The following PLS3 variants were observed in gnomAD, a reference collection of about 807,000 sequenced individuals.
PLS3 encodes plastin-3.
In PLS3, 11 loss-of-function variants were observed where a neutral mutation model predicts 46.5. The observed-to-expected ratio is 0.24, with a 90% CI of 0.15 to 0.39. The LOEUF is 0.39. Among genes scored for constraint, PLS3 ranks in the 10% least tolerant of loss-of-function variants. The pLI is 1.00. For missense variants in PLS3, 308 were observed against 461.8 expected (o/e 0.67, Z 3.05); for synonymous variants, 167 against 162.2 (o/e 1.03, Z -0.22).
At chrX:115,564,679 G>T (rs1262587006) in intron 1 of PLS3, among the ~76,000 whole-genome samples, 1 of 112,393 alleles carries the variant, frequency 8.9e-6, no homozygotes, top group Non-Finnish European at 1.9e-5. Flanking sequence ...AGTGTTCTTA[G>T]CACATATGAT....
chrX:115,564,457 T>C (rs2074159737), intron 1 of PLS3, among the ~76,000 whole-genome samples: 1 of 112,266 alleles, frequency 8.9e-6, no homozygotes, highest in African/African-American at 3.2e-5. Flanking sequence ...TGTCAGTATC[T>C]AGGGCACTAT....
At chrX:115,571,614 A>G (rs1603217406) in intron 1 of PLS3, among the ~76,000 whole-genome samples, 1 of 111,956 alleles carries the variant, frequency 8.9e-6, no homozygotes, top group Non-Finnish European at 1.9e-5. Flanking sequence ...AATTGGAAAC[A>G]TGGCTCAGTA....
intron 13 of PLS3, among the ~76,000 whole-genome samples, chrX:115,647,160 A>C (rs1365371440): frequency 9.0e-6 from 1 of 111,509 alleles, no homozygotes; most frequent in Non-Finnish European, 1.9e-5. Context: ...AGGGGCCAGG[A>C]GTGGTGGCTC....
At chrX:115,643,190 TATA>T in intron 9 of PLS3, 120 bp from the exon 10 acceptor site, 1 of 471,955 alleles carries the variant, frequency 2.1e-6, no homozygotes, top group East Asian at 3.5e-5. Context: ...AAAACAATTT[TATA>T]ATAAGTACCA....
intron 1 of PLS3, chrX:115,562,288 T>A (rs1278928473): frequency 8.9e-6 from 1 of 112,219 alleles, no homozygotes; most frequent in African/African-American, 3.2e-5. Context: ...GCTGCTCCAG[T>A]GTGCTGGCGG....
chrX:115,614,307 G>T (rs2147498591), intron 2 of PLS3: 1 of 750,850 alleles, frequency 1.3e-6, no homozygotes, highest in East Asian at 1.5e-4. Flanking sequence ...TGCAGCAGGG[G>T]AAAAATGATG....
At chrX:115,644,760 A>G (rs1370878563) in intron 10 of PLS3, among the ~76,000 whole-genome samples, 1 of 111,489 alleles carries the variant, frequency 9.0e-6, no homozygotes, top group Non-Finnish European at 1.9e-5. Flanking sequence ...GAAGGAGACT[A>G]TAAAAAGTTC....
intron 1 of PLS3, among the ~76,000 whole-genome samples, chrX:115,599,295 GT>G (rs2074417504): frequency 1.1e-5 from 1 of 90,395 alleles, no homozygotes; most frequent in Admixed American, 1.3e-4. Flanking sequence ...GAGCCCTGGA[GT>G]TTTAGACCAG....
chrX:115,645,469 C>T (rs2074941767), intron 11 of PLS3, among the ~76,000 whole-genome samples: 1 of 109,669 alleles, frequency 9.1e-6, no homozygotes, highest in African/African-American at 3.3e-5. Context: ...GAGATCCTAT[C>T]TCTAAGAGGG....
chrX:115,607,795 G>A (rs782634910), intron 1 of PLS3, among the ~76,000 whole-genome samples: 10 of 112,000 alleles, frequency 8.9e-5, no homozygotes, highest in Non-Finnish European at 1.7e-4. Flanking sequence ...GAGCCAGTGC[G>A]CCTGGCTGAT....
In PLS3 at chrX:115,571,592, C is replaced by G. The variant is rs1293002233; in HGVS notation, c.-9+10332C>G. On this transcript the variant is annotated intron_variant, in intron 1 of 15. Transcript: ENST00000355899. The stretch of plus-strand genomic sequence containing the variant: ...GGAAAAGGAAAGAAACAAGAACTCA[C>G]CTTCAAAGGAAAATTGGAAACATGG... Among the ~76,000 whole-genome samples, 4 of 110,401 alleles carry G rather than the reference C, an allele frequency of 3.6e-5. No homozygotes were observed. In the East Asian group the frequency reaches 1.1e-3, roughly 31 times the overall value.
At chrX:115,601,384 C>T (rs911999104) in intron 1 of PLS3, among the ~76,000 whole-genome samples, 10 of 108,646 alleles carry the variant, frequency 9.2e-5, no homozygotes, top group Non-Finnish European at 1.5e-4. Flanking sequence ...TTATAAGATC[C>T]GCTCTTCAGG....
chrX:115,599,881 C>T (rs954692701), intron 1 of PLS3, among the ~76,000 whole-genome samples: 37 of 110,418 alleles, frequency 3.4e-4, no homozygotes, highest in African/African-American at 1.1e-3. Context: ...CTGCCCGCCT[C>T]GGCCTCGCAA....
Position 115,622,267 on chromosome X carries a change from T to C in PLS3, c.95T>C (p.Ile32Thr). ...AKVDLNSNGF[I>T]CDYELHELFK... ...AAAGATCTCAACAGCAACGGATTCA[T>C]TTGTGACTATGAACTTCATGAGCTC... The change falls in exon 3 of 16, where the codon ATT becomes ACT. Residue 32 changes from isoleucine (I) to threonine (T), a missense_variant. Physicochemically the swap from Ile to Thr is moderately conservative, Grantham distance 89. This residue lies in a region of PLS3 where 37 missense variants were observed against 26.1 expected (regional missense o/e 1.42). Transcript: ENST00000355899. The C allele has an allele frequency of 8.3e-7, 1 of 1,200,231 alleles. No homozygotes were observed. Among genetic ancestry groups the C allele is most frequent in the Non-Finnish European group, 1.1e-6 (1 of 889,294 alleles).
In PLS3 at chrX:115,622,231, T is replaced by C. The variant is rs1569528221; in HGVS notation, c.74-15T>C. 2.5e-6 allele frequency: 3 copies of C among 1,183,177 alleles called. No homozygotes were observed. Among genetic ancestry groups the C allele is most frequent in the South Asian group, 3.9e-5 (2 of 51,128 alleles). On this transcript the variant is annotated splice_polypyrimidine_tract_variant and intron_variant, in intron 2 of 15. Transcript: ENST00000355899. ...ATTTTTTTTCCTTTTTTGCTTGCTC[T>C]CCTTTTTTACAAAGATCTCAACAGC...
At chrX:115,590,853 A>G (rs2074340034) in intron 1 of PLS3, among the ~76,000 whole-genome samples, 1 of 105,625 alleles carries the variant, frequency 9.5e-6, no homozygotes, top group Admixed American at 1.0e-4. Context: ...GAAACAAAAA[A>G]CTGGCCGGGC....
At chrX:115,600,292 ATTTTTTT>A (rs781937984) in intron 1 of PLS3, among the ~76,000 whole-genome samples, 1 of 99,491 alleles carries the variant, frequency 1.0e-5, no homozygotes, top group Admixed American at 1.1e-4. Flanking sequence ...GGCTGATTTA[ATTTTTTT>A]TTTTTTTTTA....
chrX:115,603,310 TTTTG>T (rs1347913461), intron 1 of PLS3, among the ~76,000 whole-genome samples: 1 of 111,391 alleles, frequency 9.0e-6, no homozygotes, highest in Non-Finnish European at 1.9e-5. Context: ...TTTTGTTTGC[TTTTG>T]TTTTACTCCC....
At chrX:115,568,025 A>G (rs868924272) in intron 1 of PLS3, among the ~76,000 whole-genome samples, 13 of 111,856 alleles carry the variant, frequency 1.2e-4, no homozygotes, top group Middle Eastern at 4.7e-3. Flanking sequence ...GACACTGAAA[A>G]TAACGCTTTC....
Sources: gnomAD v4.1 joint callset for allele counts (sites outside exome capture counted in the v4.1 genomes callset) on GRCh38, gnomAD v4.1.1 for gene constraint, gnomAD v4.1.1 regional missense constraint, MANE v1.5 for transcripts, NCBI Gene and HGNC (gene_info 2026-07-23, HGNC 2026-07-21) for gene names.